ZCCHC2: variants seen among roughly 807,000 people sequenced by gnomAD.
ZCCHC2 encodes zinc finger CCHC-type containing 2, also known as zinc finger CCHC domain-containing protein 2.
Under a neutral mutation model 103.6 loss-of-function variants are expected in ZCCHC2, and 39 were observed. That is an observed-to-expected ratio of 0.38 (90% CI 0.29 to 0.49). The LOEUF (loss-of-function observed/expected upper bound fraction) is 0.49. Ranked by LOEUF, ZCCHC2 falls within the 20% of genes least tolerant of loss-of-function variation. ZCCHC2 has a pLI of 0.96. For synonymous variants in ZCCHC2, 687 were observed against 608.9 expected (o/e 1.13, Z -1.89); for missense variants, 1,483 against 1,491.0 (o/e 0.99, Z 0.09).
intron 1 of ZCCHC2, among the ~76,000 whole-genome samples, chr18:62,528,262 G>A (rs1381187629): frequency 2.0e-5 from 3 of 152,334 alleles, no homozygotes; most frequent in East Asian, 1.9e-4. Flanking sequence ...AAATCAAGTA[G>A]CCATGAGTCC....
chr18:62,573,533 G>A (rs759090100), intron 12 of ZCCHC2, among the ~76,000 whole-genome samples: 1 of 151,886 alleles, frequency 6.6e-6, no homozygotes, highest in Non-Finnish European at 1.5e-5. Context: ...GAAATATTTA[G>A]TATTAAGAAT....
chr18:62,525,314 C>T (rs1470642910), intron 1 of ZCCHC2: 2 of 142,926 alleles, frequency 1.4e-5, no homozygotes, highest in African/African-American at 5.5e-5. Context: ...TCCAGTGAGT[C>T]TTTGAGGAGG....
At chr18:62,576,264 AAAG>A (rs1214556615) in intron 13 of ZCCHC2, among the ~76,000 whole-genome samples, 2 of 152,352 alleles carry the variant, frequency 1.3e-5, no homozygotes, top group Admixed American at 1.3e-4. Flanking sequence ...AGAAACAAAA[AAAG>A]TCTTAAATTG....
rs1282742575 is a variant in ZCCHC2, at chr18:62,556,309, C to G, written c.1408+12C>G. 5 of 1,556,590 alleles carry G rather than the reference C, an allele frequency of 3.2e-6. No homozygotes were observed. The highest frequency in any genetic ancestry group is 2.4e-5 in the South Asian group (2 of 82,098). ...CCTACACAGTATCAGTAAGCATCCT[C>G]TGTCCCTCTGTGGAAATCTTTTTTC... On this transcript the variant is annotated intron_variant, in intron 6 of 13. Coordinates refer to ENST00000269499, the MANE Select transcript of ZCCHC2 (RefSeq NM_017742.6).
At chr18:62,527,759 T>C (rs1166049158) in intron 1 of ZCCHC2, among the ~76,000 whole-genome samples, 1 of 152,234 alleles carries the variant, frequency 6.6e-6, no homozygotes, top group African/African-American at 2.4e-5. Flanking sequence ...AGACTGCTTA[T>C]ATAGCATAGC....
chr18:62,553,730 C>T (rs1915764424), intron 5 of ZCCHC2, among the ~76,000 whole-genome samples: 1 of 152,202 alleles, frequency 6.6e-6, no homozygotes, highest in African/African-American at 2.4e-5. Flanking sequence ...TCAAAACATT[C>T]TCAATTGCTC....
chr18:62,527,113 G>A (rs1478700986), intron 1 of ZCCHC2: 2 of 146,726 alleles, frequency 1.4e-5, no homozygotes, highest in Admixed American at 1.4e-4. Flanking sequence ...TCTTTGGTGT[G>A]CCAAACGACG....
intron 4 of ZCCHC2, among the ~76,000 whole-genome samples, chr18:62,546,332 T>G (rs1915407171): frequency 6.6e-6 from 1 of 152,154 alleles, no homozygotes; most frequent in African/African-American, 2.4e-5. Flanking sequence ...CTGAATGACG[T>G]TCTAATTACA....
Position 62,544,893 on chromosome 18 carries a change from G to A in ZCCHC2, c.1200+20G>A. On this transcript the variant is annotated intron_variant, in intron 4 of 13. Transcript: ENST00000269499. ...CTGAAGGTAAAATATAGATTTTGTT[G>A]TTAAAATGATTTTTATATAATATAC... is the stretch of plus-strand genomic sequence containing the variant. The A allele has an allele frequency of 3.3e-6, 5 of 1,502,718 alleles. No homozygotes were observed. Among genetic ancestry groups the A allele is most frequent in the Non-Finnish European group, 4.4e-6 (5 of 1,128,428 alleles). 93.1% of individuals were successfully genotyped at this position (1,502,718 alleles called of 1,614,324 possible). A position where few individuals can be genotyped will look rare whatever the true frequency, so the allele number is the denominator to read the frequency against.
At position 62,556,315 on chromosome 18, in the gene ZCCHC2, C is replaced by T. The variant is rs1262315875; in HGVS notation, c.1408+18C>T. The T allele has an allele frequency of 4.6e-6, 7 of 1,537,634 alleles. No individual in the cohort carries two copies. The highest frequency in any genetic ancestry group is 6.2e-6 in the Non-Finnish European group (7 of 1,135,522). On this transcript the variant is annotated intron_variant, in intron 6 of 13. Coordinates refer to ENST00000269499, the MANE Select transcript of ZCCHC2 (RefSeq NM_017742.6). ...CAGTATCAGTAAGCATCCTCTGTCC[C>T]TCTGTGGAAATCTTTTTTCTTTGTT...
At chr18:62,584,127 T>C (rs1345824841) in intron 14 of ZCCHC2, among the ~76,000 whole-genome samples, 1 of 152,176 alleles carries the variant, frequency 6.6e-6, no homozygotes, top group South Asian at 2.1e-4. Context: ...TGTTGAAAAA[T>C]GTAAGCCCCC....
chr18:62,524,565 C>T lies in ZCCHC2; in HGVS notation c.939+202C>T. The T allele has an allele frequency of 9.3e-6, 7 of 752,188 alleles. No individual in the cohort carries two copies. The South Asian group carries it at 9.7e-5, about 10-fold the overall frequency. The allele number at this position is 752,188 out of a possible 1,614,324, so 46.6% of individuals were successfully genotyped here. ...TCCACTCCCCCACCCCACCCCACACCCCGGCAGACACAGCCACCCGCCATC... is the reference window on the plus strand; with the variant it reads ...TCCACTCCCCCACCCCACCCCACACTCCGGCAGACACAGCCACCCGCCATC... On this transcript the variant is annotated intron_variant, in intron 1 of 13. Coordinates refer to ENST00000269499, the MANE Select transcript of ZCCHC2 (RefSeq NM_017742.6).
At chr18:62,529,295 T>G (rs1237274339) in intron 1 of ZCCHC2, among the ~76,000 whole-genome samples, 1 of 152,098 alleles carries the variant, frequency 6.6e-6, no homozygotes, top group Non-Finnish European at 1.5e-5. Flanking sequence ...ATAGTGTTGT[T>G]GGGGCAGTGG....
At chr18:62,532,782 TCC>T (rs1275288954) in intron 1 of ZCCHC2, among the ~76,000 whole-genome samples, 3 of 152,228 alleles carry the variant, frequency 2.0e-5, no homozygotes, top group African/African-American at 7.2e-5. Context: ...ATGCCTGTAA[TCC>T]CAGCACTGTG....
At position 62,524,065 on chromosome 18, in the gene ZCCHC2, G is replaced by GGGGCGGCGCGGAGGACGAGCGCGGCGA; in HGVS notation, c.644_670dup (p.Gly215_Glu223dup). 1 of 1,486,230 alleles carries GGGGCGGCGCGGAGGACGAGCGCGGCGA rather than the reference G, an allele frequency of 6.7e-7. No individual in the cohort carries two copies. The highest frequency in any genetic ancestry group is 2.0e-4 in the Middle Eastern group (1 of 5,012). The allele number at this position is 1,486,230 out of a possible 1,614,324, so 92.1% of individuals were successfully genotyped here. ...CGCGCGGCCCGGGGCGAGGGCTCGC[G>GGGGCGGCGCGGAGGACGAGCGCGGCGA]GGGCGGCGCGGAGGACGAGCGCGGC... On this transcript the variant is annotated inframe_insertion, in exon 1 of 14. Coordinates refer to ENST00000269499, the MANE Select transcript of ZCCHC2 (RefSeq NM_017742.6).
At chr18:62,549,677 G>T (rs1915580059) in intron 4 of ZCCHC2, among the ~76,000 whole-genome samples, 1 of 152,166 alleles carries the variant, frequency 6.6e-6, no homozygotes, top group Non-Finnish European at 1.5e-5. Flanking sequence ...AAGTAAACTG[G>T]TTAAATTTTG....
At chr18:62,533,872 C>CAAAA (rs35039729) in intron 1 of ZCCHC2, among the ~76,000 whole-genome samples, 10 of 99,496 alleles carry the variant, frequency 1.0e-4, no homozygotes, top group South Asian at 6.8e-4. Flanking sequence ...AACTCTGCCT[C>CAAAA]AAAAAAAAAA....
intron 5 of ZCCHC2, chr18:62,552,499 A>T (rs1311718770): frequency 6.6e-6 from 1 of 152,180 alleles, no homozygotes; most frequent in African/African-American, 2.4e-5. Flanking sequence ...GTTTAGGAAA[A>T]AAGTATTTGT....
chr18:62,536,668 A>G (rs570554131), intron 1 of ZCCHC2, among the ~76,000 whole-genome samples: 9 of 152,334 alleles, frequency 5.9e-5, no homozygotes, highest in Non-Finnish European at 1.2e-4. Context: ...GCGTTACATG[A>G]GTGAGTTTAG....
Sources: gnomAD v4.1 joint callset for allele counts (sites outside exome capture counted in the v4.1 genomes callset) on GRCh38, gnomAD v4.1.1 for gene constraint, MANE v1.5 for transcripts, NCBI Gene and HGNC (gene_info 2026-07-23, HGNC 2026-07-21) for gene names.